The following EZR variants were observed in gnomAD, a reference collection of about 807,000 sequenced individuals.
EZR encodes the protein cytovillin 2.
Under a neutral mutation model 74.8 loss-of-function variants are expected in EZR, and 40 were observed. That is an observed-to-expected ratio of 0.53 (90% CI 0.42 to 0.70). The LOEUF (loss-of-function observed/expected upper bound fraction) is 0.70, where lower values mean the gene tolerates loss of function less well. Among genes scored for constraint, EZR ranks in the 30% least tolerant of loss-of-function variants. The probability of loss-of-function intolerance (pLI) is 0.00; values close to 1 mark genes in which losing one functional copy is unlikely to be tolerated. For synonymous variants in EZR, 341 were observed against 283.3 expected (o/e 1.20, Z -2.05); for missense variants, 678 against 755.8 (o/e 0.90, Z 1.21).
chr6:158,766,823 T>C lies in EZR; in HGVS notation c.*91A>G. On this transcript the variant is annotated 3_prime_UTR_variant, in exon 14 of 14. Coordinates refer to ENST00000367075, the MANE Select transcript of EZR (RefSeq NM_001111077.2). Reference sequence around the variant, plus strand: ...CTAAAGGAACTGGGATCTGAGGGAGTTCCTAGACTTGGAGCACTAAAGACA... The same window carrying C: ...CTAAAGGAACTGGGATCTGAGGGAGCTCCTAGACTTGGAGCACTAAAGACA... 1 of 1,244,856 alleles carries C rather than the reference T, an allele frequency of 8.0e-7. No homozygotes were observed. Among genetic ancestry groups the C allele is most frequent in the South Asian group, 1.4e-5 (1 of 71,820 alleles). 77.1% of individuals were successfully genotyped at this position (1,244,856 alleles called of 1,614,324 possible).
chr6:158,786,082 C>CA (rs1337097780), intron 4 of EZR, among the ~76,000 whole-genome samples: 19 of 147,930 alleles, frequency 1.3e-4, no homozygotes, highest in African/African-American at 3.2e-4. Flanking sequence ...CAAACAAAAA[C>CA]AAAAAAACAG....
intron 8 of EZR, among the ~76,000 whole-genome samples, chr6:158,774,230 C>A (rs1048506757): frequency 1.3e-5 from 2 of 152,140 alleles, no homozygotes; most frequent in African/African-American, 2.4e-5. Flanking sequence ...TCGAGCAGCC[C>A]TGGGGTGCTG....
intron 2 of EZR, among the ~76,000 whole-genome samples, chr6:158,790,414 C>T (rs193261629): frequency 1.1e-3 from 164 of 152,354 alleles, no homozygotes; most frequent in African/African-American, 3.9e-3. Flanking sequence ...GGCTCACACA[C>T]CTGTAATCCC....
intron 2 of EZR, among the ~76,000 whole-genome samples, chr6:158,802,079 C>T (rs1235049887): frequency 1.3e-5 from 2 of 152,218 alleles, no homozygotes; most frequent in East Asian, 1.9e-4. Flanking sequence ...CCCACCACAA[C>T]GTAGTGCCCT....
At chr6:158,779,025 T>A (rs1487595649) in intron 7 of EZR, among the ~76,000 whole-genome samples, 2 of 152,116 alleles carry the variant, frequency 1.3e-5, no homozygotes, top group Non-Finnish European at 2.9e-5. Context: ...CCCCCAAATA[T>A]ACTGACCAAT....
chr6:158,807,419 C>CA (rs1274626982), intron 2 of EZR, among the ~76,000 whole-genome samples: 2 of 151,668 alleles, frequency 1.3e-5, no homozygotes, highest in Non-Finnish European at 3.0e-5. Context: ...AAAATACTAT[C>CA]AAAACAATCA....
chr6:158,771,387 T>C lies in EZR; in HGVS notation c.816A>G (p.Pro272=), dbSNP rs781080105. 1.2e-6 allele frequency: 2 copies of C among 1,611,104 alleles called. No individual in the cohort carries two copies. The highest frequency in any genetic ancestry group is 8.5e-7 in the Non-Finnish European group (1 of 1,178,284). The change falls in exon 9 of 14, where the codon CCA becomes CCG. Residue 272 remains proline (P), a synonymous_variant. Coordinates refer to ENST00000367075, the MANE Select transcript of EZR (RefSeq NM_001111077.2). ...GGATCCGCTTGTTGATTCTCAGACGTGGGGCATAAAACACAAAGTCCTACA... is the reference window on the plus strand; with the variant it reads ...GGATCCGCTTGTTGATTCTCAGACGCGGGGCATAAAACACAAAGTCCTACA... The part of the protein sequence containing the change: ...KKAPDFVFYA[P]RLRINKRILQ...
At chr6:158,767,984 CACTTA>C (rs1469938917) in intron 12 of EZR, among the ~76,000 whole-genome samples, 2 of 151,510 alleles carry the variant, frequency 1.3e-5, no homozygotes, top group Non-Finnish European at 2.9e-5. Context: ...CAGCTCTCCT[CACTTA>C]ACAGGTACTT....
chr6:158,768,839 T>C (rs1791002544), intron 12 of EZR, among the ~76,000 whole-genome samples: 1 of 152,114 alleles, frequency 6.6e-6, no homozygotes, highest in South Asian at 2.1e-4. Flanking sequence ...CCCAAATAGC[T>C]GATGAGCAGC....
chr6:158,796,240 C>T lies in EZR; in HGVS notation c.13-6869G>A, dbSNP rs568104690. The stretch of plus-strand genomic sequence containing the variant: ...CTTTCCCAAGAAGGAAAGTACCCCT[C>T]CAGGCAGACACACGACAGCACAGGT... On this transcript the variant is annotated intron_variant, in intron 2 of 13. Transcript: ENST00000367075. Among the ~76,000 whole-genome samples the T allele has an allele frequency of 2.0e-5, 3 of 152,350 alleles. No homozygotes were observed. The East Asian group carries it at 5.8e-4, about 29-fold the overall frequency.
intron 2 of EZR, among the ~76,000 whole-genome samples, chr6:158,817,489 C>CA (rs1229105977): frequency 6.6e-6 from 1 of 152,246 alleles, no homozygotes; most frequent in Non-Finnish European, 1.5e-5. Flanking sequence ...ATCTACAATT[C>CA]AAGTCCATGG....
chr6:158,769,534 G>A (rs1292079188), intron 11 of EZR, 116 bp from the exon 12 acceptor site: 30 of 1,107,338 alleles, frequency 2.7e-5, no homozygotes, highest in East Asian at 7.4e-5. Context: ...CTGAGTCCCC[G>A]CCACCCCCAC....
intron 2 of EZR, among the ~76,000 whole-genome samples, chr6:158,794,006 G>A (rs1158454974): frequency 1.3e-5 from 2 of 152,202 alleles, no homozygotes; most frequent in Non-Finnish European, 2.9e-5. Flanking sequence ...GCCACATGCA[G>A]TGGTTCACGC....
chr6:158,767,101 T>G (rs1790903380), intron 13 of EZR, 23 bp from the exon 14 acceptor site: 2 of 1,613,336 alleles, frequency 1.2e-6, no homozygotes, highest in Non-Finnish European at 1.7e-6. Context: ...GCAGCATTGG[T>G]CTAGTCCCTT....
intron 2 of EZR, among the ~76,000 whole-genome samples, chr6:158,807,746 C>A (rs548391489): frequency 1.3e-5 from 2 of 152,286 alleles, no homozygotes; most frequent in South Asian, 4.1e-4. Context: ...AGACATGTGT[C>A]TTTCCCCCTG....
rs2128564934 is a variant in EZR at position 158,769,918 on chromosome 6, G to A, written c.1117C>T (p.Leu373=). Residue 373 remains leucine (L), a synonymous_variant, in exon 11 of 14, where the codon CTG becomes TTG. Transcript: ENST00000367075. The part of the protein sequence containing the change: ...RELSEQIQRA[L]QLEEERKRAQ... ...CGCTTCCTCTCCTCCTCCAGCTGCA[G>A]GGCCCTCTGAATCTGCTCCGAGAGC... The A allele has an allele frequency of 1.2e-6, 2 of 1,612,234 alleles. No individual in the cohort carries two copies. Among genetic ancestry groups the A allele is most frequent in the South Asian group, 1.1e-5 (1 of 91,074 alleles).
At chr6:158,799,168 A>C (rs1229534304) in intron 2 of EZR, among the ~76,000 whole-genome samples, 1 of 152,046 alleles carries the variant, frequency 6.6e-6, no homozygotes, top group Non-Finnish European at 1.5e-5. Context: ...GCTGTACCTT[A>C]TATGCAGCCA....
rs544266885 is a variant in EZR at position 158,766,510 on chromosome 6, A to G, written c.*404T>C. On this transcript the variant is annotated 3_prime_UTR_variant, in exon 14 of 14. Coordinates refer to ENST00000367075, the MANE Select transcript of EZR (RefSeq NM_001111077.2). ...ATCCTTCATAGAAATTAAAAAATCAATTTGAGCTCATTTCGAATACAGAAC... is the reference window on the plus strand; with the variant it reads ...ATCCTTCATAGAAATTAAAAAATCAGTTTGAGCTCATTTCGAATACAGAAC... The G allele has an allele frequency of 6.1e-5, 10 of 165,162 alleles. No individual in the cohort carries two copies. The East Asian group carries it at 8.9e-4, about 15-fold the overall frequency. The allele number at this position is 165,162 out of a possible 1,614,324, so 10.2% of individuals were successfully genotyped here. A position where few individuals can be genotyped will look rare whatever the true frequency, so the allele number is the denominator to read the frequency against.
Position 158,771,277 on chromosome 6 carries a change from G to A in EZR, c.926C>T (p.Ala309Val). 3 of 1,614,110 alleles carry A rather than the reference G, an allele frequency of 1.9e-6. No individual in the cohort carries two copies. The highest frequency in any genetic ancestry group is 2.5e-6 in the Non-Finnish European group (3 of 1,179,980). ...TIEVQQMKAQ[A>V]REEKHQKQLE... ...CTGCTTCTGATGCTTCTCCTCCCGG[G>A]CCTGGGCCTTCATCTGCTGCACCTC... Residue 309 changes from alanine (A) to valine (V), a missense_variant, in exon 9 of 14, where the codon GCC (alanine) becomes GTC (valine). Around this residue, in one of 3 missense-constraint regions of EZR, gnomAD observed 119 missense variants for 182.3 expected, o/e 0.65. Transcript: ENST00000367075.
Sources: gnomAD v4.1 joint callset for allele counts (sites outside exome capture counted in the v4.1 genomes callset) on GRCh38, gnomAD v4.1.1 for gene constraint, gnomAD v4.1.1 regional missense constraint, MANE v1.5 for transcripts, NCBI Gene and HGNC (gene_info 2026-07-23, HGNC 2026-07-21) for gene names.